Variants in ANK3 observed in about 807,000 individuals in gnomAD.
ANK3 encodes the protein ankyrin-3.
ANK3 carries 57 observed loss-of-function variants against 370.9 expected under a neutral mutation model. That is an observed-to-expected ratio of 0.15 (90% confidence interval 0.12 to 0.19). The LOEUF (loss-of-function observed/expected upper bound fraction) is 0.19. Ranked by LOEUF, ANK3 falls within the 10% of genes least tolerant of loss-of-function variation. The probability of loss-of-function intolerance (pLI) is 1.00; values close to 1 mark genes in which losing one functional copy is unlikely to be tolerated. For synonymous variants in ANK3, 1,929 were observed against 1,946.3 expected, an observed-to-expected ratio of 0.99 and a Z score of 0.23; for missense variants, 4,439 against 5,302.1, an observed-to-expected ratio of 0.84 and a Z score of 5.06.
chr10:60,035,699 G>GA (rs972985606), intron 43 of ANK3, among the ~76,000 whole-genome samples: 5 of 150,090 alleles, frequency 3.3e-5, no homozygotes, highest in African/African-American at 4.9e-5. Context: ...TTAAGGGTAA[G>GA]AAAAAAAAGG....
intron 2 of ANK3, among the ~76,000 whole-genome samples, chr10:60,507,238 A>T (rs905139947): frequency 1.3e-5 from 2 of 152,078 alleles, no homozygotes; most frequent in Admixed American, 6.6e-5. Flanking sequence ...TGGGGGGTAT[A>T]TATTTGTTTA....
chr10:60,661,307 C>CTAAAGAAA (rs1396537322), intron 1 of ANK3, among the ~76,000 whole-genome samples: 1 of 151,576 alleles, frequency 6.6e-6, no homozygotes, highest in Admixed American at 6.6e-5. Context: ...AATCATAAAA[C>CTAAAGAAA]TAAAGAAATT....
intron 1 of ANK3, among the ~76,000 whole-genome samples, chr10:60,389,019 T>G (rs2062818028): frequency 6.6e-6 from 1 of 152,142 alleles, no homozygotes; most frequent in African/African-American, 2.4e-5. Flanking sequence ...AAGCTCTTTT[T>G]CCACGAGACA....
At chr10:60,482,856 C>A (rs1175347717) in intron 2 of ANK3, among the ~76,000 whole-genome samples, 1 of 152,004 alleles carries the variant, frequency 6.6e-6, no homozygotes, top group Admixed American at 6.6e-5. Context: ...AAGATTTCAT[C>A]CAAAAGATTC....
chr10:60,173,254 G>T, intron 18 of ANK3, 68 bp from the exon 19 acceptor site: 1 of 1,232,836 alleles, frequency 8.1e-7, no homozygotes, highest in Non-Finnish European at 1.1e-6. Context: ...ATCCTAAACA[G>T]AAGCAAAATC....
intron 1 of ANK3, among the ~76,000 whole-genome samples, chr10:60,628,875 AT>A (rs1202714879): frequency 2.0e-5 from 3 of 152,202 alleles, no homozygotes; most frequent in Non-Finnish European, 4.4e-5. Flanking sequence ...CATGCCTAAC[AT>A]TTCCAATTGG....
rs775391629 is a variant in ANK3 at position 60,083,572 on chromosome 10, C to G, written c.4120G>C (p.Ala1374Pro). The G allele has an allele frequency of 2.5e-6, 4 of 1,610,604 alleles. No individual in the cohort carries two copies. In the African/African-American group the frequency reaches 5.3e-5, roughly 22 times the overall value. ...PIYVDCYGNLAPLTKGGQQLV... is the reference protein window; with the variant it reads ...PIYVDCYGNLPPLTKGGQQLV... Reference sequence around the variant, plus strand: ...TGCTGTCCTCCTTTGGTAAGTGGGGCCAAATTTCCATAACAATCAACATAA... The same window carrying G: ...TGCTGTCCTCCTTTGGTAAGTGGGGGCAAATTTCCATAACAATCAACATAA... The change falls in exon 33 of 44, where the codon GCC becomes CCC. Residue 1374 changes from alanine (A) to proline (P), a missense_variant. Around this residue, in one of 13 missense-constraint regions of ANK3, gnomAD observed 702 missense variants for 941.5 expected, o/e 0.75. Coordinates refer to ENST00000280772, the MANE Select transcript of ANK3 (RefSeq NM_020987.5).
chr10:60,693,414 T>G (rs2079388834), intron 1 of ANK3, among the ~76,000 whole-genome samples: 1 of 152,234 alleles, frequency 6.6e-6, no homozygotes, highest in African/African-American at 2.4e-5. Context: ...CAAGGAGGCC[T>G]GCCTGCCTCT....
intron 2 of ANK3, among the ~76,000 whole-genome samples, chr10:60,590,920 G>T (rs2133292101): frequency 6.6e-6 from 1 of 152,118 alleles, no homozygotes; most frequent in African/African-American, 2.4e-5. Context: ...ACAGTTTGTT[G>T]AATACGTGAA....
chr10:60,205,804 T>G lies in ANK3; in HGVS notation c.1281A>C (p.Gln427His). ...TAACTCTTCTCACCTCGGTTACAGC[T>G]TGGATGGATGCACCGTGTTTCAGAA... ...ELLLKHGASI[Q>H]AVTESGLTPI... The change falls in exon 11 of 44, where the codon CAA becomes CAC. Residue 427 changes from glutamine (Q) to histidine (H), a missense_variant. By Grantham distance (24) the Gln-to-His change is conservative. Coordinates refer to ENST00000280772, the MANE Select transcript of ANK3 (RefSeq NM_020987.5). 6.2e-7 allele frequency: 1 copy of G among 1,613,094 alleles called. No homozygotes were observed. Among genetic ancestry groups the G allele is most frequent in the Non-Finnish European group, 8.5e-7 (1 of 1,179,052 alleles).
At chr10:60,546,768 T>C (rs1232140894) in intron 2 of ANK3, among the ~76,000 whole-genome samples, 1 of 152,146 alleles carries the variant, frequency 6.6e-6, no homozygotes, top group Non-Finnish European at 1.5e-5. Context: ...AAACCATATT[T>C]AATAAACATT....
intron 2 of ANK3, among the ~76,000 whole-genome samples, chr10:60,500,072 T>C (rs562462231): frequency 6.6e-6 from 1 of 152,324 alleles, no homozygotes; most frequent in South Asian, 2.1e-4. Flanking sequence ...CTAAATTACC[T>C]GAGCTCCTGC....
intron 1 of ANK3, chr10:60,300,291 A>G: frequency 8.3e-7 from 1 of 1,208,050 alleles, no homozygotes; most frequent in South Asian, 1.3e-5. Context: ...AGGAAAGTAC[A>G]TTTCATTTAG....
In ANK3 at chr10:60,476,278, G is replaced by A. The variant is rs139422540; in HGVS notation, c.96+138908C>T. ...GTTAATAAAGTTGAAGGAACAAAAG[G>A]AGGAGCCTTTAGACATATCAAATGC... On this transcript the variant is annotated intron_variant, in intron 2 of 43. Coordinates refer to the ANK3 transcript ENST00000373827. Among the ~76,000 whole-genome samples, 93 of 152,218 alleles carry A rather than the reference G, an allele frequency of 6.1e-4. No individual in the cohort carries two copies. In the East Asian group the frequency reaches 0.017, roughly 28 times the overall value.
intron 1 of ANK3, among the ~76,000 whole-genome samples, chr10:60,330,106 C>G (rs1030775689): frequency 7.9e-5 from 12 of 152,106 alleles, no homozygotes; most frequent in Non-Finnish European, 1.8e-4. Context: ...AAACTGAACC[C>G]CTTGCTTACA....
At chr10:60,460,012 C>T (rs1489683049) in intron 2 of ANK3, among the ~76,000 whole-genome samples, 1 of 152,120 alleles carries the variant, frequency 6.6e-6, no homozygotes, top group Non-Finnish European at 1.5e-5. Flanking sequence ...CTCAGAAAAG[C>T]AGATGGCAGA....
chr10:60,168,184 C>T (rs997430299), intron 21 of ANK3, among the ~76,000 whole-genome samples: 4 of 152,138 alleles, frequency 2.6e-5, no homozygotes, highest in Admixed American at 6.5e-5. Context: ...CATGGCCACG[C>T]CCAGCTAATT....
intron 2 of ANK3, among the ~76,000 whole-genome samples, chr10:60,427,221 A>C (rs980929446): frequency 1.3e-5 from 2 of 152,178 alleles, no homozygotes; most frequent in Non-Finnish European, 2.9e-5. Flanking sequence ...AGAGAATATC[A>C]AAATGGATAG....
intron 2 of ANK3, among the ~76,000 whole-genome samples, chr10:60,433,277 A>G (rs1170772819): frequency 1.3e-5 from 2 of 152,150 alleles, no homozygotes; most frequent in Non-Finnish European, 2.9e-5. Flanking sequence ...GAACAGCAGC[A>G]GAGCCACAGT....
Sources: allele counts gnomAD v4.1 joint callset (sites outside exome capture counted in the v4.1 genomes callset), GRCh38; gene constraint gnomAD v4.1.1; regional missense constraint gnomAD v4.1.1; transcripts MANE v1.5; gene names NCBI Gene and HGNC (gene_info 2026-07-23, HGNC 2026-07-21).